SPPL2B: variants seen among roughly 807,000 people sequenced by gnomAD.
SPPL2B encodes the protein signal peptide peptidase like 2B.
SPPL2B carries 39 observed loss-of-function variants against 59.7 expected under a neutral mutation model. That is an observed-to-expected ratio of 0.65 (90% CI 0.51 to 0.85). The LOEUF (loss-of-function observed/expected upper bound fraction) is 0.85, where lower values mean the gene tolerates loss of function less well. Ranked by LOEUF, SPPL2B falls within the 40% of genes least tolerant of loss-of-function variation. The pLI is 0.00. For missense variants in SPPL2B, 865 were observed against 849.0 expected (o/e 1.02, Z -0.23); for synonymous variants, 419 against 370.8 (o/e 1.13, Z -1.49).
intron 13 of SPPL2B, among the ~76,000 whole-genome samples, chr19:2,348,841 C>T (rs1969679115): frequency 1.1e-5 from 1 of 91,928 alleles, no homozygotes; most frequent in Non-Finnish European, 2.3e-5. Flanking sequence ...TCCATTCTCT[C>T]CCTCCACACA....
intron 14 of SPPL2B, 146 bp from the exon 15 acceptor site, chr19:2,352,800 C>A: frequency 1.1e-6 from 1 of 879,598 alleles, no homozygotes; most frequent in Non-Finnish European, 1.7e-6. Flanking sequence ...TGGAGCCGGC[C>A]CCCTCCTTGG....
chr19:2,343,049 C>T (rs1363704823), intron 8 of SPPL2B, 162 bp from the exon 9 acceptor site: 7 of 627,490 alleles, frequency 1.1e-5, no homozygotes, highest in Admixed American at 1.0e-4. Flanking sequence ...AGCAGGGGTC[C>T]TCCCACAGGT....
At chr19:2,329,355 G>A (rs1219556972) in intron 1 of SPPL2B, among the ~76,000 whole-genome samples, 3 of 152,202 alleles carry the variant, frequency 2.0e-5, no homozygotes, top group Admixed American at 6.5e-5. Flanking sequence ...TGTGCAGAAG[G>A]AGGACCGACT....
At position 2,328,703 on chromosome 19, in the gene SPPL2B, G is replaced by A; in HGVS notation, c.-7G>A. Reference sequence around the variant, plus strand: ...TCTGCCGTTGGTTGCGGCGGGCACCGGCCGACATGGCGGCAGCGGTGGCGG... The same window carrying A: ...TCTGCCGTTGGTTGCGGCGGGCACCAGCCGACATGGCGGCAGCGGTGGCGG... On this transcript the variant is annotated 5_prime_UTR_variant, in exon 1 of 15. Coordinates refer to ENST00000613503, the MANE Select transcript of SPPL2B (RefSeq NM_152988.3). The A allele has an allele frequency of 7.0e-7, 1 of 1,435,978 alleles. No homozygotes were observed. Among genetic ancestry groups the A allele is most frequent in the South Asian group, 1.5e-5 (1 of 68,752 alleles). The allele number at this position is 1,435,978 out of a possible 1,614,324, so 89.0% of individuals were successfully genotyped here. A position where few individuals can be genotyped will look rare whatever the true frequency, so the allele number is the denominator to read the frequency against.
rs971312918 is a variant in SPPL2B at position 2,354,144 on chromosome 19, G to A, written c.*935G>A. On this transcript the variant is annotated 3_prime_UTR_variant, in exon 15 of 15. Transcript: ENST00000613503. ...TTGCTTTTCTGCTGAGAGGGGCTTG[G>A]GCCTCGGTTCTCCCTGTGGCAGCGG... 6.6e-6 allele frequency: 1 copy of A among 152,244 alleles called. No homozygotes were observed. Among genetic ancestry groups the A allele is most frequent in the East Asian group, 1.9e-4 (1 of 5,180 alleles). The allele number at this position is 152,244 out of a possible 1,614,324, so 9.4% of individuals were successfully genotyped here. A position where few individuals can be genotyped will look rare whatever the true frequency, so the allele number is the denominator to read the frequency against.
Position 2,337,639 on chromosome 19 carries a change from C to A in SPPL2B, c.369+14C>A. The A allele has an allele frequency of 1.3e-6, 2 of 1,537,496 alleles. No homozygotes were observed. Among genetic ancestry groups the A allele is most frequent in the Admixed American group, 1.9e-5 (1 of 54,042 alleles). On this transcript the variant is annotated intron_variant, in intron 3 of 14. Transcript: ENST00000613503. ...AGGGAGAGGCTGGTACGGCCCTGTGCGTCCCCCGCTGGGCCAGCTCTCAGG... is the reference window on the plus strand; with the variant it reads ...AGGGAGAGGCTGGTACGGCCCTGTGAGTCCCCCGCTGGGCCAGCTCTCAGG...
At chr19:2,336,162 G>C (rs1472984044) in intron 2 of SPPL2B, among the ~76,000 whole-genome samples, 1 of 152,236 alleles carries the variant, frequency 6.6e-6, no homozygotes, top group Non-Finnish European at 1.5e-5. Flanking sequence ...GTGTGAGCAT[G>C]TGTGTAATAG....
rs1024482642 is a variant in SPPL2B at position 2,353,333 on chromosome 19, G to A, written c.*124G>A. 101 of 1,199,980 alleles carry A rather than the reference G, an allele frequency of 8.4e-5. 1 individual carries two copies. In the East Asian group the frequency reaches 2.3e-3, roughly 27 times the overall value. The allele number at this position is 1,199,980 out of a possible 1,614,324, so 74.3% of individuals were successfully genotyped here. A position where few individuals can be genotyped will look rare whatever the true frequency, so the allele number is the denominator to read the frequency against. On this transcript the variant is annotated 3_prime_UTR_variant, in exon 15 of 15. Coordinates refer to ENST00000613503, the MANE Select transcript of SPPL2B (RefSeq NM_152988.3). ...ACCGAGGCCTGTGCCGTCCCCACCCGCCCCAACATGGTGCTCATCCTTGCC... is the reference window on the plus strand; with the variant it reads ...ACCGAGGCCTGTGCCGTCCCCACCCACCCCAACATGGTGCTCATCCTTGCC...
intron 8 of SPPL2B, chr19:2,342,096 G>A (rs1969093085): frequency 6.4e-6 from 1 of 155,278 alleles, no homozygotes; most frequent in Admixed American, 6.4e-5. Flanking sequence ...TGAAGCCTTT[G>A]ATGTTTGAGA....
intron 11 of SPPL2B, 38 bp from the exon 12 acceptor site, chr19:2,344,515 G>T: frequency 1.3e-6 from 2 of 1,590,944 alleles, no homozygotes; most frequent in South Asian, 1.1e-5. Flanking sequence ...GGCCGGGTGA[G>T]GGTCCTGGAG....
rs775366953 is a variant in SPPL2B, at chr19:2,340,944, C to T, written c.886C>T (p.Arg296Cys). ...CTACTTCCACAAGCGCCCGCAGGCC[C>T]GTATGCTGCTCCTGGCGCTCTTCTG... Reference protein sequence around the residue: ...LPYFHKRPQARMLLLALFCVA... With the variant: ...LPYFHKRPQACMLLLALFCVA... Residue 296 changes from arginine (R) to cysteine (C), a missense_variant, in exon 8 of 15, where the codon CGT (arginine) becomes TGT (cysteine). Arg to Cys is a radical substitution (Grantham distance 180, BLOSUM62 -3). Coordinates refer to ENST00000613503, the MANE Select transcript of SPPL2B (RefSeq NM_152988.3). The T allele has an allele frequency of 6.2e-5, 99 of 1,603,424 alleles. No individual in the cohort carries two copies. The East Asian group carries it at 9.4e-4, about 15-fold the overall frequency.
intron 13 of SPPL2B, among the ~76,000 whole-genome samples, chr19:2,349,016 C>G (rs1178584400): frequency 1.5e-4 from 20 of 134,424 alleles, no homozygotes. Context: ...TCGCTTGATT[C>G]CGTTCTCTCT....
chr19:2,353,291 G>GAC lies in SPPL2B; in HGVS notation c.*83_*84dup. On this transcript the variant is annotated 3_prime_UTR_variant, in exon 15 of 15. Coordinates refer to ENST00000613503, the MANE Select transcript of SPPL2B (RefSeq NM_152988.3). ...GGCGCCCACTGGAGACAGACAGACA[G>GAC]ACGCCTGTCCCCCGGGACCGAGGCC... The GAC allele has an allele frequency of 1.4e-6, 2 of 1,458,106 alleles. No individual in the cohort carries two copies. Among genetic ancestry groups the GAC allele is most frequent in the Non-Finnish European group, 1.8e-6 (2 of 1,098,712 alleles). The allele number at this position is 1,458,106 out of a possible 1,614,324, so 90.3% of individuals were successfully genotyped here.
chr19:2,340,442 G>T, intron 7 of SPPL2B: 1 of 628,782 alleles, frequency 1.6e-6, no homozygotes, highest in Non-Finnish European at 2.9e-6. Context: ...GCCGAACCCT[G>T]GGTTCCCCAG....
intron 2 of SPPL2B, among the ~76,000 whole-genome samples, chr19:2,335,566 C>T (rs1477882107): frequency 1.3e-5 from 2 of 149,778 alleles, no homozygotes; most frequent in Non-Finnish European, 3.0e-5. Flanking sequence ...TCCACTGCAT[C>T]CCTCTGGCCC....
chr19:2,337,437 T>G lies in SPPL2B; in HGVS notation c.187-6T>G. ...GTGAGACAACACTGTGCCCTGGCCT[T>G]TCCAGTCTTTCCTGCAGCTGCGCAA... On this transcript the variant is annotated splice_polypyrimidine_tract_variant and splice_region_variant and intron_variant, in intron 2 of 14. Transcript: ENST00000613503. The G allele has an allele frequency of 6.9e-6, 11 of 1,593,860 alleles. No homozygotes were observed. Among genetic ancestry groups the G allele is most frequent in the Non-Finnish European group, 9.4e-6 (11 of 1,167,584 alleles).
chr19:2,330,077 C>T (rs905477890), intron 1 of SPPL2B, among the ~76,000 whole-genome samples: 8 of 151,800 alleles, frequency 5.3e-5, no homozygotes, highest in Non-Finnish European at 8.8e-5. Flanking sequence ...GAGAGAGGGA[C>T]TCAGTTTGCC....
Position 2,339,970 on chromosome 19 carries a change from C to T in SPPL2B, c.742+4C>T, listed in dbSNP as rs755946181. On this transcript the variant is annotated splice_donor_region_variant and intron_variant, in intron 6 of 14. Coordinates refer to ENST00000613503, the MANE Select transcript of SPPL2B (RefSeq NM_152988.3). ...TACTATTTCTACGATCTCCTCGGTG[C>T]GCGGCCCCGGGCGGGTGGGCCGCGG... The T allele has an allele frequency of 1.2e-5, 18 of 1,552,852 alleles. 1 individual carries two copies. Among genetic ancestry groups the T allele is most frequent in the East Asian group, 9.7e-5 (4 of 41,092 alleles).
chr19:2,353,536 C>T lies in SPPL2B; in HGVS notation c.*327C>T, dbSNP rs1230907576. On this transcript the variant is annotated 3_prime_UTR_variant, in exon 15 of 15. Transcript: ENST00000613503. ...CTCAAGCGTCGTCTGCATGAGTGAG[C>T]AGGCGTGGGTGGACTCTGGCCGCGG... The T allele has an allele frequency of 2.9e-6, 1 of 344,426 alleles. No homozygotes were observed. The highest frequency in any genetic ancestry group is 6.4e-5 in the East Asian group (1 of 15,668). The allele number at this position is 344,426 out of a possible 1,614,324, so 21.3% of individuals were successfully genotyped here.
Sources: allele counts gnomAD v4.1 joint callset (sites outside exome capture counted in the v4.1 genomes callset), GRCh38; gene constraint gnomAD v4.1.1; transcripts MANE v1.5; gene names NCBI Gene and HGNC (gene_info 2026-07-23, HGNC 2026-07-21).